The following POC1B variants were observed in gnomAD, a reference collection of about 807,000 sequenced individuals.
The protein encoded by POC1B is POC1 centriolar protein B.
In POC1B, 44 loss-of-function variants were observed where a neutral mutation model predicts 60.6. The observed-to-expected ratio is 0.73, with a 90% CI of 0.57 to 0.93. POC1B has a LOEUF of 0.93. Among genes scored for constraint, POC1B ranks in the 40% least tolerant of loss-of-function variants. The pLI, the probability that POC1B is intolerant of heterozygous loss-of-function variation, is 0.00. For synonymous variants in POC1B, 180 were observed against 198.9 expected (o/e 0.90, Z 0.80); for missense variants, 555 against 572.3 (o/e 0.97, Z 0.31).
chr12:89,500,998 T>C (rs1869537148), intron 2 of POC1B: 1 of 945,772 alleles, frequency 1.1e-6, no homozygotes. Flanking sequence ...ATGAAGTTGA[T>C]AGAGGATGAA....
At chr12:89,435,011 T>C (rs1881194286) in intron 10 of POC1B, among the ~76,000 whole-genome samples, 1 of 152,102 alleles carries the variant, frequency 6.6e-6, no homozygotes, top group Non-Finnish European at 1.5e-5. Context: ...AGTTCCATTG[T>C]TTTACTGGAT....
At chr12:89,456,209 A>G (rs140544319) in intron 10 of POC1B, among the ~76,000 whole-genome samples, 1 of 152,166 alleles carries the variant, frequency 6.6e-6, no homozygotes, top group Non-Finnish European at 1.5e-5. Flanking sequence ...TTAGTAGAGG[A>G]GGGGTTTTGT....
At chr12:89,427,785 A>G (rs1034666471) in intron 10 of POC1B, 2 of 152,246 alleles carry the variant, frequency 1.3e-5, no homozygotes, top group Admixed American at 6.5e-5. Context: ...ACTCCTTATG[A>G]CAGAGAAAAG....
rs556926989 is a variant in POC1B at position 89,483,306 on chromosome 12, G to C, written c.452+8630C>G. On this transcript the variant is annotated intron_variant, in intron 4 of 11. Transcript: ENST00000313546. ...TTCTCCTTGCTGCCACCATGTATTT[G>C]CTTCCCCTTCCACCACAATTTGTAA... 4.6e-5 allele frequency among the ~76,000 whole-genome samples: 7 copies of C among 152,102 alleles called. No homozygotes were observed. In the South Asian group the frequency reaches 1.4e-3, roughly 31 times the overall value.
rs2120803918 is a variant in POC1B, at chr12:89,459,622, A to AC, written c.1113+15_1113+16insG. ...GCCACTTAAGTGTCAAAAAAAAAAA[A>AC]AAAAACCCGACTTACTGTGGTAGAA... On this transcript the variant is annotated intron_variant, in intron 10 of 11. Transcript: ENST00000313546. 5.0e-6 allele frequency: 7 copies of AC among 1,388,758 alleles called. 1 individual carries two copies. The highest frequency in any genetic ancestry group is 5.8e-6 in the Non-Finnish European group (6 of 1,028,930). The allele number at this position is 1,388,758 out of a possible 1,614,324, so 86.0% of individuals were successfully genotyped here.
chr12:89,495,426 T>C (rs890990652), intron 3 of POC1B, among the ~76,000 whole-genome samples: 1 of 152,210 alleles, frequency 6.6e-6, no homozygotes, highest in African/African-American at 2.4e-5. Context: ...TTCACTACCA[T>C]TGGAATATAT....
intron 2 of POC1B, 93 bp from the exon 3 acceptor site, chr12:89,497,435 A>C: frequency 7.7e-7 from 1 of 1,300,942 alleles, no homozygotes; most frequent in East Asian, 2.4e-5. Context: ...ATAACAAGGC[A>C]TCCAGGTAAT....
the POC1B span, among the ~76,000 whole-genome samples, chr12:89,407,486 C>A: frequency 6.6e-6 from 1 of 152,222 alleles, no homozygotes; most frequent in African/African-American, 2.4e-5. Context: ...GATCCATGGG[C>A]CTCAGCCTCC....
In POC1B at chr12:89,467,646, G is replaced by A. The variant is rs762919544; in HGVS notation, c.850C>T (p.Leu284=). ...GTGTCTGCACCTCCTGATGCAAATA[G>A]CTCTCCACCTTTTGAAAATGAAACA... is the stretch of plus-strand genomic sequence containing the variant. ...FTVSFSKGGE[L]FASGGADTQV... Residue 284 remains leucine (L), a synonymous_variant, in exon 8 of 12, where the codon CTA becomes TTA. Coordinates refer to ENST00000313546, the MANE Select transcript of POC1B (RefSeq NM_172240.3). 1 of 1,612,244 alleles carries A rather than the reference G, an allele frequency of 6.2e-7. No individual in the cohort carries two copies. The highest frequency in any genetic ancestry group is 1.1e-5 in the South Asian group (1 of 90,900).
In POC1B at chr12:89,497,332, A is replaced by C. The variant is rs372693634; in HGVS notation, c.111T>G (p.Ser37=). The C allele has an allele frequency of 2.7e-5, 43 of 1,611,512 alleles. No homozygotes were observed. In the African/African-American group the frequency reaches 4.9e-4, roughly 19 times the overall value. ...TCCATAGCATGAGAAAGGTATCCCA[A>C]GAAGCAGTAGCTATCAAGAAATAGA... ...SPNGKQLATA[S]WDTFLMLWNF... Residue 37 remains serine (S), a synonymous_variant, in exon 3 of 12, where the codon TCT becomes TCG. Coordinates refer to ENST00000313546, the MANE Select transcript of POC1B (RefSeq NM_172240.3).
chr12:89,476,755 TAGATAGACAGAC>T (rs1192490521), intron 4 of POC1B, among the ~76,000 whole-genome samples: 3,634 of 67,746 alleles, frequency 0.054, 83 homozygotes, highest in African/African-American at 0.11. Flanking sequence ...GATAGATAGA[TAGATAGACAGAC>T]AGACAGACAG....
At chr12:89,445,144 A>G (rs557275550) in intron 10 of POC1B, among the ~76,000 whole-genome samples, 29 of 152,330 alleles carry the variant, frequency 1.9e-4, no homozygotes, top group African/African-American at 6.7e-4. Flanking sequence ...ATGCTCACGG[A>G]TAGGAAGAAT....
chr12:89,478,310 G>A (rs1883196707), intron 4 of POC1B, among the ~76,000 whole-genome samples: 1 of 152,084 alleles, frequency 6.6e-6, no homozygotes, highest in Non-Finnish European at 1.5e-5. Flanking sequence ...GTAGAGATGG[G>A]GTTTCGCCAT....
rs368041048 is a variant in POC1B, at chr12:89,428,769, G to A, written c.1114-3390C>T. ...GACGGGGTTTCACCATGTTAGCCAG[G>A]ATGGTCTCGATCTCCTGACCTCGTG... On this transcript the variant is annotated intron_variant, in intron 10 of 11. Coordinates refer to ENST00000313546, the MANE Select transcript of POC1B (RefSeq NM_172240.3). 3.9e-4 allele frequency: 60 copies of A among 152,252 alleles called. No homozygotes were observed. In the East Asian group the frequency reaches 0.01, roughly 25 times the overall value. The allele number at this position is 152,252 out of a possible 1,614,324, so 9.4% of individuals were successfully genotyped here.
At chr12:89,505,679 T>A (rs191890684) in intron 2 of POC1B, among the ~76,000 whole-genome samples, 6 of 152,340 alleles carry the variant, frequency 3.9e-5, no homozygotes, top group South Asian at 2.1e-4. Context: ...TAAATATTCA[T>A]CAAGCTTTAC....
At chr12:89,418,807 C>T (rs1051028170), downstream of POC1B, among the ~76,000 whole-genome samples, 1 of 152,188 alleles carries the variant, frequency 6.6e-6, no homozygotes, top group Non-Finnish European at 1.5e-5. Context: ...AGCATCTGCA[C>T]TATGCTTCTT....
chr12:89,441,755 C>G (rs1438279855), intron 10 of POC1B, among the ~76,000 whole-genome samples: 1 of 152,208 alleles, frequency 6.6e-6, no homozygotes, highest in South Asian at 2.1e-4. Flanking sequence ...CGGAACAAAG[C>G]TGGATGGAGA....
downstream of POC1B, among the ~76,000 whole-genome samples, chr12:89,415,436 G>C (rs1312488292): frequency 6.6e-6 from 1 of 152,140 alleles, no homozygotes; most frequent in East Asian, 1.9e-4. Context: ...GAGGTCAAGA[G>C]ATCAAGACCA....
chr12:89,461,714 G>C (rs993377876), intron 9 of POC1B: 1 of 152,252 alleles, frequency 6.6e-6, no homozygotes, highest in South Asian at 2.1e-4. Context: ...TAACTGCAAT[G>C]CTATAGTAAA....
Sources: gnomAD v4.1 joint callset for allele counts (sites outside exome capture counted in the v4.1 genomes callset) on GRCh38, gnomAD v4.1.1 for gene constraint, MANE v1.5 for transcripts, NCBI Gene and HGNC (gene_info 2026-07-23, HGNC 2026-07-21) for gene names.